Variants in GPR89B observed in about 807,000 individuals in gnomAD.
GPR89B encodes golgi pH regulator B.
In GPR89B, 25 loss-of-function variants were observed where a neutral mutation model predicts 52.4. The observed-to-expected ratio is 0.48, with a 90% CI of 0.35 to 0.67. GPR89B has a LOEUF of 0.67. Ranked by LOEUF, GPR89B falls within the 30% of genes least tolerant of loss-of-function variation. The pLI is 0.01. For missense variants in GPR89B, 146 were observed against 450.2 expected (o/e 0.32, Z 6.11); for synonymous variants, 52 against 151.2 (o/e 0.34, Z 4.81).
In GPR89B at chr1:147,936,695, A is replaced by G. The variant is rs1156327502; in HGVS notation, c.102+9A>G. On this transcript the variant is annotated intron_variant, in intron 2 of 13. Coordinates refer to ENST00000314163, the MANE Select transcript of GPR89B (RefSeq NM_016334.5). ...TGTTTAAAGACTATGAGGTGAGAAG[A>G]AATCATTTTGTCATACTTACACTAT... 1.2e-6 allele frequency: 2 copies of G among 1,603,790 alleles called. No individual in the cohort carries two copies. Among genetic ancestry groups the G allele is most frequent in the Non-Finnish European group, 1.7e-6 (2 of 1,173,394 alleles).
chr1:148,014,443 G>C, the GPR89B span: 1 of 151,130 alleles, frequency 6.6e-6, no homozygotes. Context: ...CCCAGCCGCC[G>C]GATAGCGCAA....
chr1:148,003,494 T>G, the GPR89B span, among the ~76,000 whole-genome samples: 1 of 152,188 alleles, frequency 6.6e-6, no homozygotes, highest in African/African-American at 2.4e-5. Context: ...ACTACCAATT[T>G]GGTACCAAAA....
chr1:147,985,241 A>C (rs1571316518), intron 10 of GPR89B, among the ~76,000 whole-genome samples: 1 of 152,058 alleles, frequency 6.6e-6, no homozygotes, highest in Admixed American at 6.6e-5. Context: ...TATTTTTGCT[A>C]TGAAATCTAC....
At chr1:147,951,719 A>G (rs1416749974) in intron 5 of GPR89B, among the ~76,000 whole-genome samples, 3 of 151,984 alleles carry the variant, frequency 2.0e-5, no homozygotes, top group African/African-American at 7.3e-5. Context: ...CGTAGGGGCA[A>G]GCTGGCTTTG....
the GPR89B span, among the ~76,000 whole-genome samples, chr1:148,019,326 A>C: frequency 2.0e-5 from 3 of 151,004 alleles, no homozygotes; most frequent in Admixed American, 2.0e-4. Context: ...AGAAAACCAA[A>C]CACCGTGTGT....
chr1:147,952,763 CAA>C (rs1205381981), intron 5 of GPR89B, among the ~76,000 whole-genome samples: 4 of 151,410 alleles, frequency 2.6e-5, no homozygotes, highest in African/African-American at 9.7e-5. Flanking sequence ...TGATATGAAA[CAA>C]TTGATAATTA....
the GPR89B span, among the ~76,000 whole-genome samples, chr1:148,025,488 A>T: frequency 3.1e-5 from 4 of 130,880 alleles, no homozygotes; most frequent in Non-Finnish European, 6.1e-5. Flanking sequence ...ATGCCACTGC[A>T]CTCCAGCCTG....
chr1:147,963,880 A>C (rs1656825138), intron 7 of GPR89B, among the ~76,000 whole-genome samples: 1 of 152,244 alleles, frequency 6.6e-6, no homozygotes, highest in East Asian at 1.9e-4. Context: ...CACACAAAAA[A>C]CTGTACTTGA....
chr1:148,000,208 C>T, the GPR89B span, among the ~76,000 whole-genome samples: 1 of 151,206 alleles, frequency 6.6e-6, no homozygotes, highest in East Asian at 2.0e-4. Context: ...ATTAATTACA[C>T]CATCCAGCAA....
the GPR89B span, among the ~76,000 whole-genome samples, chr1:148,013,566 C>T: frequency 6.6e-6 from 1 of 152,016 alleles, no homozygotes; most frequent in African/African-American, 2.4e-5. Flanking sequence ...AAGAGTGGGC[C>T]CTGCAGGATA....
chr1:147,963,571 C>G (rs1656799734), intron 7 of GPR89B, among the ~76,000 whole-genome samples: 1 of 152,038 alleles, frequency 6.6e-6, no homozygotes, highest in African/African-American at 2.4e-5. Context: ...ATACAAATGG[C>G]ACATAACCAC....
At position 147,950,063 on chromosome 1, in the gene GPR89B, T is replaced by G. The variant is rs868935395; in HGVS notation, c.416-3282T>G. 8.9e-4 allele frequency among the ~76,000 whole-genome samples: 74 copies of G among 82,858 alleles called. 1 individual carries two copies. The highest frequency in any genetic ancestry group is 1.6e-3 in the South Asian group (4 of 2,440). 54.4% of individuals were successfully genotyped at this position (82,858 alleles called of 152,430 possible). A position where few individuals can be genotyped will look rare whatever the true frequency, so the allele number is the denominator to read the frequency against. On this transcript the variant is annotated intron_variant, in intron 5 of 13. Coordinates refer to ENST00000314163, the MANE Select transcript of GPR89B (RefSeq NM_016334.5). The stretch of plus-strand genomic sequence containing the variant: ...CCCTCCCGGACGGGGCGGCTGGCCG[T>G]GCGGGGGGCTGATCCCCCCACCTCC...
intron 1 of GPR89B, among the ~76,000 whole-genome samples, chr1:147,933,514 A>C (rs1316365807): frequency 6.6e-6 from 1 of 152,010 alleles, no homozygotes; most frequent in African/African-American, 2.4e-5. Flanking sequence ...GGATATCTTG[A>C]CCCATCTTGC....
intron 7 of GPR89B, among the ~76,000 whole-genome samples, chr1:147,954,827 A>G (rs1294912413): frequency 7.2e-5 from 11 of 152,112 alleles, no homozygotes; most frequent in South Asian, 2.1e-4. Flanking sequence ...GGTTGTATAT[A>G]TTTGTGGCAT....
intron 10 of GPR89B, among the ~76,000 whole-genome samples, chr1:147,977,260 A>AAC (rs1657910303): frequency 2.0e-5 from 3 of 150,510 alleles, no homozygotes; most frequent in African/African-American, 4.9e-5. Flanking sequence ...AAAAAAAAAA[A>AAC]AACAGAATGT....
intron 1 of GPR89B, among the ~76,000 whole-genome samples, chr1:147,935,239 G>T (rs1558031825): frequency 1.3e-5 from 2 of 152,114 alleles, no homozygotes; most frequent in South Asian, 4.2e-4. Context: ...CACAGGTCTC[G>T]ATGTGAAAGA....
the GPR89B span, among the ~76,000 whole-genome samples, chr1:148,009,880 T>C: frequency 6.6e-6 from 1 of 151,848 alleles, no homozygotes; most frequent in South Asian, 2.1e-4. Flanking sequence ...CACAGGCCGC[T>C]AAGAAAGGTA....
chr1:147,963,528 A>C (rs1423472282), intron 7 of GPR89B, among the ~76,000 whole-genome samples: 44 of 151,496 alleles, frequency 2.9e-4, no homozygotes, highest in African/African-American at 1.0e-3. Flanking sequence ...TTAGAAAATA[A>C]GCAAAAATGA....
chr1:148,011,048 C>T, the GPR89B span: 1 of 152,144 alleles, frequency 6.6e-6, no homozygotes, highest in Non-Finnish European at 1.5e-5. Flanking sequence ...AGTGAAACCG[C>T]ACTCAGTGGA....
Sources: allele counts gnomAD v4.1 joint callset (sites outside exome capture counted in the v4.1 genomes callset), GRCh38; gene constraint gnomAD v4.1.1; transcripts MANE v1.5; gene names NCBI Gene and HGNC (gene_info 2026-07-23, HGNC 2026-07-21).